The following CLDN16 variants were observed in gnomAD, a reference collection of about 807,000 sequenced individuals.
The protein encoded by CLDN16 is claudin 16.
CLDN16 carries 13 observed loss-of-function variants against 24.6 expected under a neutral mutation model. The observed-to-expected ratio is 0.53, with a 90% CI of 0.34 to 0.84. The LOEUF (loss-of-function observed/expected upper bound fraction) is 0.84. Ranked by LOEUF, CLDN16 falls within the 40% of genes least tolerant of loss-of-function variation. CLDN16 has a pLI of 0.01. For missense variants in CLDN16, 298 were observed against 292.7 expected (o/e 1.02, Z -0.13); for synonymous variants, 116 against 106.7 (o/e 1.09, Z -0.54).
intron 1 of CLDN16, among the ~76,000 whole-genome samples, chr3:190,360,364 C>G (rs970187242): frequency 1.3e-5 from 2 of 151,882 alleles, no homozygotes; most frequent in African/African-American, 4.8e-5. Flanking sequence ...ATTGCACAAG[C>G]TGAGTTTCAT....
At chr3:190,346,008 T>G (rs1043888206) in intron 1 of CLDN16, among the ~76,000 whole-genome samples, 1 of 152,020 alleles carries the variant, frequency 6.6e-6, no homozygotes, top group Non-Finnish European at 1.5e-5. Context: ...CTTTTAGGTC[T>G]TACAGTGTAA....
chr3:190,321,024 C>T (rs191620631), upstream of CLDN16, among the ~76,000 whole-genome samples: 215 of 152,252 alleles, frequency 1.4e-3, 1 homozygote, highest in Non-Finnish European at 2.3e-3. Context: ...AAATATGTCT[C>T]TCTATACAAT....
rs1047493269 is a variant in CLDN16 at position 190,396,586 on chromosome 3, C to T, written c.115-5751C>T. 2.6e-5 allele frequency among the ~76,000 whole-genome samples: 4 copies of T among 152,116 alleles called. No individual in the cohort carries two copies. The East Asian group carries it at 5.8e-4, about 22-fold the overall frequency. Reference sequence around the variant, plus strand: ...CAGCTGCCATGTTTGTCTTTATTATCGCTGTATCTCCAGCATTAATATAGT... The same window carrying T: ...CAGCTGCCATGTTTGTCTTTATTATTGCTGTATCTCCAGCATTAATATAGT... On this transcript the variant is annotated intron_variant, in intron 1 of 4. Coordinates refer to ENST00000264734, the MANE Select transcript of CLDN16 (RefSeq NM_006580.4).
At chr3:190,375,429 C>A (rs981708915) in intron 3 of CLDN16, among the ~76,000 whole-genome samples, 1 of 151,872 alleles carries the variant, frequency 6.6e-6, no homozygotes, top group Non-Finnish European at 1.5e-5. Flanking sequence ...GAAAAAAGAT[C>A]ACATGCTGGA....
At chr3:190,335,016 CTTTTTTCTTTTTTT>C (rs1717266522) in intron 1 of CLDN16, among the ~76,000 whole-genome samples, 1 of 120,948 alleles carries the variant, frequency 8.3e-6, no homozygotes, top group South Asian at 2.8e-4. Context: ...CTTTCCTTTT[CTTTTTTCTTTTTTT>C]TTTTTTTTGT....
At chr3:190,367,354 T>G (rs1718045378) in intron 1 of CLDN16, among the ~76,000 whole-genome samples, 1 of 151,960 alleles carries the variant, frequency 6.6e-6, no homozygotes, top group Non-Finnish European at 1.5e-5. Context: ...TTCAAAATTA[T>G]AGGCATAAAT....
chr3:190,340,919 C>G (rs1717413327), intron 1 of CLDN16, among the ~76,000 whole-genome samples: 1 of 152,214 alleles, frequency 6.6e-6, no homozygotes, highest in Non-Finnish European at 1.5e-5. Flanking sequence ...TCCAGCAGGG[C>G]AGTCAAATCT....
chr3:190,300,558 G>A, the CLDN16 span, among the ~76,000 whole-genome samples: 1 of 152,182 alleles, frequency 6.6e-6, no homozygotes, highest in African/African-American at 2.4e-5. Context: ...CGATACAAGC[G>A]ACTGAATATT....
intron 1 of CLDN16, among the ~76,000 whole-genome samples, chr3:190,389,245 A>G (rs936017240): frequency 3.9e-5 from 6 of 152,232 alleles, no homozygotes; most frequent in African/African-American, 1.4e-4. Context: ...GCTGCTGTTC[A>G]TTAATGAGGC....
rs1341791237 is a variant in CLDN16, at chr3:190,410,319, G to C, written c.*283G>C. On this transcript the variant is annotated 3_prime_UTR_variant, in exon 5 of 5. Transcript: ENST00000264734. ...AATATTTGTTTGTGATTTCTATATA[G>C]CTATTAGAGATTATGACATAGTAAT... 5.2e-6 allele frequency: 2 copies of C among 383,642 alleles called. No homozygotes were observed. Among genetic ancestry groups the C allele is most frequent in the African/African-American group, 4.1e-5 (2 of 48,780 alleles). 23.8% of individuals were successfully genotyped at this position (383,642 alleles called of 1,614,324 possible).
chr3:190,380,981 G>A (rs185327119), intron 3 of CLDN16, among the ~76,000 whole-genome samples: 1 of 141,184 alleles, frequency 7.1e-6, no homozygotes, highest in Non-Finnish European at 1.6e-5. Flanking sequence ...TGAACAATGA[G>A]TGTGAGTACA....
chr3:190,318,668 C>T (rs3774020), upstream of CLDN16, among the ~76,000 whole-genome samples: 57 of 152,322 alleles, frequency 3.7e-4, no homozygotes, highest in East Asian at 9.4e-3. Flanking sequence ...CTTCAACTTC[C>T]ATTATTCTAA....
chr3:190,349,765 A>G (rs1397647823), intron 1 of CLDN16, among the ~76,000 whole-genome samples: 1 of 152,176 alleles, frequency 6.6e-6, no homozygotes, highest in East Asian at 1.9e-4. Flanking sequence ...CATTACCATG[A>G]GAAGAACATG....
intron 1 of CLDN16, among the ~76,000 whole-genome samples, chr3:190,342,627 G>C (rs1447893879): frequency 6.6e-6 from 1 of 152,200 alleles, no homozygotes; most frequent in African/African-American, 2.4e-5. Flanking sequence ...ATGTCAGCCA[G>C]TGGAACAGAA....
the CLDN16 span, among the ~76,000 whole-genome samples, chr3:190,304,423 G>T: frequency 2.6e-5 from 4 of 152,060 alleles, no homozygotes; most frequent in Admixed American, 6.6e-5. Flanking sequence ...TAGGTGTCCC[G>T]TAAATATTAA....
At chr3:190,324,966 G>T (rs919876379) in intron 1 of CLDN16, among the ~76,000 whole-genome samples, 2 of 152,186 alleles carry the variant, frequency 1.3e-5, no homozygotes, top group Admixed American at 1.3e-4. Context: ...GTCCTAGCCT[G>T]TTGAGTAGTA....
intron 4 of CLDN16, 125 bp from the exon 5 acceptor site, chr3:190,409,778 C>G: frequency 2.2e-6 from 2 of 900,554 alleles, no homozygotes; most frequent in South Asian, 3.0e-5. Context: ...TCTTAGAGTT[C>G]CAAAATGATA....
intron 1 of CLDN16, among the ~76,000 whole-genome samples, chr3:190,328,673 C>T (rs564747828): frequency 8.2e-5 from 12 of 145,482 alleles, no homozygotes; most frequent in East Asian, 4.0e-4. Context: ...GAACATTCTA[C>T]GTAAAAAAAA....
the CLDN16 span, among the ~76,000 whole-genome samples, chr3:190,296,503 G>C: frequency 2.6e-5 from 4 of 151,690 alleles, no homozygotes; most frequent in Non-Finnish European, 2.9e-5. Context: ...TCTAGGAGGA[G>C]AGTAATAACG....
Sources: allele counts gnomAD v4.1 joint callset (sites outside exome capture counted in the v4.1 genomes callset), GRCh38; gene constraint gnomAD v4.1.1; transcripts MANE v1.5; gene names NCBI Gene and HGNC (gene_info 2026-07-23, HGNC 2026-07-21).